The following CHIC2 variants were observed in gnomAD, a reference collection of about 807,000 sequenced individuals.
CHIC2 encodes the protein cysteine rich hydrophobic domain 2, also known as cysteine-rich hydrophobic domain-containing protein 2.
CHIC2 carries 14 observed loss-of-function variants against 25.9 expected under a neutral mutation model. The observed-to-expected ratio is 0.54, with a 90% CI of 0.36 to 0.85. The LOEUF (loss-of-function observed/expected upper bound fraction) is 0.85, where lower values mean the gene tolerates loss of function less well. CHIC2 is among the 40% of genes least tolerant of loss of function. CHIC2 has a pLI of 0.01. For synonymous variants in CHIC2, 70 were observed against 72.0 expected, an observed-to-expected ratio of 0.97 and a Z score of 0.14; for missense variants, 146 against 202.0, an observed-to-expected ratio of 0.72 and a Z score of 1.68.
At chr4:54,035,931 T>G (rs180971381) in intron 3 of CHIC2, among the ~76,000 whole-genome samples, 38 of 152,342 alleles carry the variant, frequency 2.5e-4, no homozygotes, top group African/African-American at 8.2e-4. Flanking sequence ...TGCTTTTAAA[T>G]TTCCCTTTTG....
the CHIC2 span, among the ~76,000 whole-genome samples, chr4:54,072,173 A>G: frequency 3.6e-3 from 550 of 152,018 alleles, 2 homozygotes; most frequent in African/African-American, 0.013. Flanking sequence ...CGTGGTGGTG[A>G]GCACCTATAG....
At chr4:54,024,857 T>C (rs909429245) in intron 3 of CHIC2, among the ~76,000 whole-genome samples, 10 of 152,184 alleles carry the variant, frequency 6.6e-5, no homozygotes, top group Non-Finnish European at 1.5e-5. Context: ...TACAAAACTG[T>C]ATCCAGGCCA....
intron 3 of CHIC2, among the ~76,000 whole-genome samples, chr4:54,024,163 T>C (rs1465472958): frequency 1.3e-5 from 2 of 152,206 alleles, no homozygotes; most frequent in Admixed American, 6.5e-5. Context: ...CAAATGGTTC[T>C]TGGACCAAGG....
chr4:54,084,260 A>G, the CHIC2 span, among the ~76,000 whole-genome samples: 1 of 152,166 alleles, frequency 6.6e-6, no homozygotes, highest in Non-Finnish European at 1.5e-5. Flanking sequence ...AACTAAATTG[A>G]ATTTTAATAG....
chr4:54,043,144 A>G (rs10023788), intron 3 of CHIC2, among the ~76,000 whole-genome samples: 60,361 of 151,994 alleles, frequency 0.4, 13,118 homozygotes, highest in African/African-American at 0.57. Context: ...TGTCTCGGCC[A>G]GGCGCGGTGG....
chr4:54,034,045 T>A (rs1040923094), intron 3 of CHIC2, among the ~76,000 whole-genome samples: 1 of 151,746 alleles, frequency 6.6e-6, no homozygotes, highest in South Asian at 2.1e-4. Context: ...AAAAAAAAAG[T>A]CCTGCTGGGA....
chr4:54,025,616 T>C (rs1716035128), intron 3 of CHIC2, among the ~76,000 whole-genome samples: 1 of 152,048 alleles, frequency 6.6e-6, no homozygotes, highest in Non-Finnish European at 1.5e-5. Flanking sequence ...CCCAGCACTT[T>C]GGGATACCGA....
At chr4:54,016,552 G>T (rs1340843292) in intron 3 of CHIC2, among the ~76,000 whole-genome samples, 1 of 152,022 alleles carries the variant, frequency 6.6e-6, no homozygotes, top group African/African-American at 2.4e-5. Flanking sequence ...GCCCTGATAT[G>T]CCACATTCTG....
chr4:54,064,689 G>A (rs922150979), upstream of CHIC2: 107 of 1,015,168 alleles, frequency 1.1e-4, no homozygotes, highest in Middle Eastern at 2.4e-3. The surrounding 1 kb of genome is among the most constrained non-coding windows in gnomAD (Gnocchi z 4.2). Flanking sequence ...GGGCGGGCGC[G>A]TGCGTGGGCG....
At chr4:54,028,899 C>T (rs1716139393) in intron 3 of CHIC2, among the ~76,000 whole-genome samples, 1 of 151,966 alleles carries the variant, frequency 6.6e-6, no homozygotes, top group Admixed American at 6.6e-5. Flanking sequence ...CCGAGGTGGG[C>T]AGATCATGAG....
chr4:54,064,704 G>A (rs1231187170), upstream of CHIC2: 12 of 993,476 alleles, frequency 1.2e-5, no homozygotes, highest in Non-Finnish European at 1.4e-5. This position sits in a 1 kb window ranked among gnomAD's most constrained non-coding sequence, Gnocchi z 4.2. Flanking sequence ...TGGGCGCGTG[G>A]GCGAGCGGAC....
intron 1 of CHIC2, among the ~76,000 whole-genome samples, chr4:54,057,702 T>C (rs1017916314): frequency 6.6e-6 from 1 of 152,192 alleles, no homozygotes; most frequent in African/African-American, 2.4e-5. Context: ...AAAATGGGCA[T>C]TTAACAAATA....
chr4:54,032,086 T>A (rs1322538923), intron 3 of CHIC2, among the ~76,000 whole-genome samples: 1 of 152,160 alleles, frequency 6.6e-6, no homozygotes, highest in African/African-American at 2.4e-5. Flanking sequence ...CCTGATACAA[T>A]TTTAAATATA....
intron 3 of CHIC2, among the ~76,000 whole-genome samples, chr4:54,038,377 G>A (rs1188780195): frequency 6.6e-6 from 1 of 151,926 alleles, no homozygotes; most frequent in Non-Finnish European, 1.5e-5. Context: ...TTACAATAGC[G>A]CCAAACCCAA....
chr4:54,041,366 G>GGGT (rs1716573287), intron 3 of CHIC2, among the ~76,000 whole-genome samples: 1 of 152,014 alleles, frequency 6.6e-6, no homozygotes, highest in Non-Finnish European at 1.5e-5. Flanking sequence ...CATGCCTCTC[G>GGGT]ATCGAGGGTT....
intron 3 of CHIC2, among the ~76,000 whole-genome samples, chr4:54,023,964 T>A (rs1427522510): frequency 6.6e-6 from 1 of 152,206 alleles, no homozygotes; most frequent in African/African-American, 2.4e-5. Flanking sequence ...AGTCATTCAC[T>A]GCAAGCAAGG....
chr4:54,026,363 T>C (rs549819459), intron 3 of CHIC2, among the ~76,000 whole-genome samples: 4 of 151,948 alleles, frequency 2.6e-5, no homozygotes, highest in Admixed American at 2.6e-4. Context: ...CTACTAAAAA[T>C]ACAAAAATTA....
At chr4:54,088,900 G>A in the CHIC2 span, among the ~76,000 whole-genome samples, 6 of 152,170 alleles carry the variant, frequency 3.9e-5, no homozygotes, top group African/African-American at 1.4e-4. Flanking sequence ...CAAGAGAGGA[G>A]TCACAGAAGA....
At chr4:54,080,058 C>T in the CHIC2 span, among the ~76,000 whole-genome samples, 1 of 150,760 alleles carries the variant, frequency 6.6e-6, no homozygotes, top group African/African-American at 2.4e-5. Flanking sequence ...ATGTTTATTG[C>T]ATGTTATGAT....
Sources: gnomAD v4.1 joint callset for allele counts (sites outside exome capture counted in the v4.1 genomes callset) on GRCh38, gnomAD v4.1.1 for gene constraint, Gnocchi (gnomAD v3.1) non-coding constraint, MANE v1.5 for transcripts, NCBI Gene and HGNC (gene_info 2026-07-23, HGNC 2026-07-21) for gene names.